Variants in ZNF813 observed in about 807,000 individuals in gnomAD.
ZNF813 encodes zinc finger protein 813.
ZNF813 carries 3 observed loss-of-function variants against 7.2 expected under a neutral mutation model. The observed-to-expected ratio is 0.42, with a 90% CI of 0.19 to 1.08. The LOEUF is 1.08. Among genes scored for constraint, ZNF813 ranks in the 50% least tolerant of loss-of-function variants. The pLI, the probability that ZNF813 is intolerant of heterozygous loss-of-function variation, is 0.30. For synonymous variants in ZNF813, 227 were observed against 256.3 expected (o/e 0.89, Z 1.09); for missense variants, 714 against 753.3 (o/e 0.95, Z 0.61).
chr19:53,471,373 T>A (rs1226186599), intron 1 of ZNF813, among the ~76,000 whole-genome samples: 1 of 152,046 alleles, frequency 6.6e-6, no homozygotes, highest in African/African-American at 2.4e-5. Flanking sequence ...TGATCTGGAG[T>A]CATCTTTGCC....
In ZNF813 at chr19:53,494,187, A is replaced by C. The variant is rs950316315; in HGVS notation, c.*2101A>C. The C allele has an allele frequency of 6.6e-6, 1 of 152,200 alleles. No homozygotes were observed. Among genetic ancestry groups the C allele is most frequent in the African/African-American group, 2.4e-5 (1 of 41,454 alleles). 9.4% of individuals were successfully genotyped at this position (152,200 alleles called of 1,614,324 possible). A position where few individuals can be genotyped will look rare whatever the true frequency, so the allele number is the denominator to read the frequency against. ...CTCTTGAATACAGCTTTTTAGTACAAGGGGTCTTCAAGAAGTTCATGGAAA... is the reference window on the plus strand; with the variant it reads ...CTCTTGAATACAGCTTTTTAGTACACGGGGTCTTCAAGAAGTTCATGGAAA... On this transcript the variant is annotated 3_prime_UTR_variant, in exon 4 of 4. Transcript: ENST00000396403.
At chr19:53,487,159 A>G (rs560818760) in intron 3 of ZNF813, among the ~76,000 whole-genome samples, 1 of 152,146 alleles carries the variant, frequency 6.6e-6, no homozygotes, top group East Asian at 1.9e-4. Context: ...TATGTCCTTA[A>G]GGCCAATATG....
In ZNF813 at chr19:53,468,672, C is replaced by G. The variant is rs114968117; in HGVS notation, c.-74+883C>G. Among the ~76,000 whole-genome samples the G allele has an allele frequency of 3.7e-3, 563 of 152,318 alleles. 7 individuals carry two copies. Among genetic ancestry groups the G allele is most frequent in the African/African-American group, 0.012 (517 of 41,566 alleles). On this transcript the variant is annotated intron_variant, in intron 1 of 3. Coordinates refer to ENST00000396403, the MANE Select transcript of ZNF813 (RefSeq NM_001004301.4). The stretch of plus-strand genomic sequence containing the variant: ...GCACGTAGGCTAGATTTATGTTTCT[C>G]TTCACCCAAACATCTCAGTGTAGCA...
Position 53,492,016 on chromosome 19 carries a change from C to CACGT in ZNF813, c.1785_1788dup (p.His597ThrfsTer4). On this transcript the variant is annotated frameshift_variant, in exon 4 of 4. Transcript: ENST00000396403. LOFTEE classifies it low-confidence loss of function (END_TRUNC). Reference sequence around the variant, plus strand: ...GTTTTTAATCAAAAAGCAAACCTTGCACGTCATCATAGACTTCATACTGGA... The same window carrying CACGT: ...GTTTTTAATCAAAAAGCAAACCTTGCACGTACGTCATCATAGACTTCATACTGGA... 1.2e-6 allele frequency: 2 copies of CACGT among 1,613,876 alleles called. No homozygotes were observed. The highest frequency in any genetic ancestry group is 1.6e-4 in the Middle Eastern group (1 of 6,062).
At chr19:53,472,597 A>G (rs984983152) in intron 1 of ZNF813, among the ~76,000 whole-genome samples, 2 of 150,454 alleles carry the variant, frequency 1.3e-5, no homozygotes, top group Non-Finnish European at 2.9e-5. Context: ...GTCTGATTAT[A>G]AGTACAAGTC....
rs572317801 is a variant in ZNF813 at position 53,490,818 on chromosome 19, T to C, written c.586T>C (p.Phe196Leu). The C allele has an allele frequency of 6.2e-7, 1 of 1,614,150 alleles. No individual in the cohort carries two copies. The highest frequency in any genetic ancestry group is 1.3e-5 in the African/African-American group (1 of 75,030). Reference sequence around the variant, plus strand: ...TATTTCTAATAACTATGGGAATAATTTCCGGAATTCTTCGTTACTCACACA... The same window carrying C: ...TATTTCTAATAACTATGGGAATAATCTCCGGAATTCTTCGTTACTCACACA... Reference protein sequence around the residue: ...THISNNYGNNFRNSSLLTQKQ... With the variant: ...THISNNYGNNLRNSSLLTQKQ... The change falls in exon 4 of 4, where the codon TTC (phenylalanine) becomes CTC (leucine). Residue 196 changes from phenylalanine to leucine, a missense_variant. Coordinates refer to ENST00000396403, the MANE Select transcript of ZNF813 (RefSeq NM_001004301.4).
intron 1 of ZNF813, among the ~76,000 whole-genome samples, chr19:53,477,629 A>G (rs1460855481): frequency 1.3e-5 from 2 of 148,514 alleles, no homozygotes; most frequent in African/African-American, 2.5e-5. Context: ...CAGCCTGGGC[A>G]ACATAGTAAG....
rs1169115886 is a variant in ZNF813 at position 53,490,721 on chromosome 19, A to AGTG, written c.491_493dup (p.Val164dup). 6.2e-7 allele frequency: 1 copy of AGTG among 1,614,198 alleles called. No homozygotes were observed. Among genetic ancestry groups the AGTG allele is most frequent in the Non-Finnish European group, 8.5e-7 (1 of 1,180,040 alleles). On this transcript the variant is annotated inframe_insertion, in exon 4 of 4. Transcript: ENST00000396403. ...AGACCCAAGGGAAAATTGGTAATCA[A>AGTG]GTGGAGAAGTCTATCAACGATGCTT...
chr19:53,486,627 T>C lies in ZNF813; in HGVS notation c.16-5T>C, dbSNP rs748365036. On this transcript the variant is annotated splice_polypyrimidine_tract_variant and splice_region_variant and intron_variant, in intron 2 of 3. Transcript: ENST00000396403. Reference sequence around the variant, plus strand: ...CAATTTCCTTAAAATGTGTTTTCATTTCAGGGTCTATTGACATTCAGGGAT... The same window carrying C: ...CAATTTCCTTAAAATGTGTTTTCATCTCAGGGTCTATTGACATTCAGGGAT... The C allele has an allele frequency of 3.1e-6, 5 of 1,613,938 alleles. No individual in the cohort carries two copies. The highest frequency in any genetic ancestry group is 1.1e-5 in the South Asian group (1 of 91,074).
chr19:53,472,915 A>G (rs1230620216), intron 1 of ZNF813, among the ~76,000 whole-genome samples: 1 of 152,148 alleles, frequency 6.6e-6, no homozygotes, highest in Non-Finnish European at 1.5e-5. Context: ...CCTGGCCTTT[A>G]TAAGTACAAG....
At chr19:53,488,373 G>T in intron 3 of ZNF813, 3 of 341,618 alleles carry the variant, frequency 8.8e-6, no homozygotes, top group Non-Finnish European at 1.7e-5. Flanking sequence ...ATATTTGTGG[G>T]TTGGAGTGAC....
At chr19:53,478,949 T>C (rs2086394583) in intron 1 of ZNF813, among the ~76,000 whole-genome samples, 6 of 151,960 alleles carry the variant, frequency 3.9e-5, no homozygotes, top group Admixed American at 6.6e-5. Flanking sequence ...TTTTTTGTGT[T>C]TTTTTGGCAG....
At chr19:53,468,994 A>G (rs2086342855) in intron 1 of ZNF813, among the ~76,000 whole-genome samples, 1 of 152,002 alleles carries the variant, frequency 6.6e-6, no homozygotes, top group Non-Finnish European at 1.5e-5. Context: ...CTTGGACAAT[A>G]CCCAGGCTTT....
Position 53,491,689 on chromosome 19 carries a change from C to A in ZNF813, c.1457C>A (p.Thr486Lys), listed in dbSNP as rs199779555. The A allele has an allele frequency of 6.2e-7, 1 of 1,611,592 alleles. No homozygotes were observed. Among genetic ancestry groups the A allele is most frequent in the South Asian group, 1.1e-5 (1 of 90,870 alleles). ...FSRISALVIH[T>K]AIHTGEKPYK... Reference sequence around the variant, plus strand: ...CGAATTTCAGCCCTCGTAATTCATACGGCAATTCATACTGGAGAGAAACCT... The same window carrying A: ...CGAATTTCAGCCCTCGTAATTCATAAGGCAATTCATACTGGAGAGAAACCT... The change falls in exon 4 of 4, where the codon ACG becomes AAG. Residue 486 changes from threonine (T) to lysine (K), a missense_variant. By Grantham distance (78) the Thr-to-Lys change is moderately conservative. Around this residue, in one of 3 missense-constraint regions of ZNF813, gnomAD observed 563 missense variants for 554.2 expected, o/e 1.02. Transcript: ENST00000396403.
intron 3 of ZNF813, among the ~76,000 whole-genome samples, chr19:53,487,394 T>G (rs1281793661): frequency 6.6e-6 from 1 of 152,208 alleles, no homozygotes; most frequent in Non-Finnish European, 1.5e-5. Flanking sequence ...TTTGACTCCC[T>G]TCTTATTTAC....
chr19:53,484,607 T>C (rs1480060309), intron 2 of ZNF813, among the ~76,000 whole-genome samples: 1 of 152,212 alleles, frequency 6.6e-6, no homozygotes, highest in Admixed American at 6.5e-5. Flanking sequence ...GTCTGTCACC[T>C]AGGCTGAAGT....
intron 2 of ZNF813, among the ~76,000 whole-genome samples, 192 bp downstream of exon 2, chr19:53,484,029 A>G (rs1177420910): frequency 6.6e-6 from 1 of 151,992 alleles, no homozygotes; most frequent in Non-Finnish European, 1.5e-5. Flanking sequence ...GAACTTGGGA[A>G]GAGGCTGCAC....
chr19:53,477,964 T>TA (rs2086389586), intron 1 of ZNF813, among the ~76,000 whole-genome samples: 1 of 152,090 alleles, frequency 6.6e-6, no homozygotes, highest in Non-Finnish European at 1.5e-5. Context: ...ATTGAGAACT[T>TA]AAAAATTCCT....
intron 1 of ZNF813, among the ~76,000 whole-genome samples, chr19:53,468,871 T>C (rs375305003): frequency 3.5e-4 from 50 of 143,934 alleles, no homozygotes; most frequent in East Asian, 1.0e-3. Flanking sequence ...AAAGAGGCCT[T>C]CCTCTTTCAC....
Sources: allele counts gnomAD v4.1 joint callset (sites outside exome capture counted in the v4.1 genomes callset), GRCh38; gene constraint gnomAD v4.1.1; regional missense constraint gnomAD v4.1.1; transcripts MANE v1.5; gene names NCBI Gene and HGNC (gene_info 2026-07-23, HGNC 2026-07-21).